ROBO2: variants seen among roughly 807,000 people sequenced by gnomAD.
ROBO2 encodes roundabout guidance receptor 2.
A neutral mutation model predicts 160.8 loss-of-function variants in ROBO2; 53 were observed. The ratio of observed to expected loss-of-function variants is 0.33; its 90% CI spans 0.26 to 0.41. The LOEUF is 0.41. Among genes scored for constraint, ROBO2 ranks in the 10% least tolerant of loss-of-function variants. The probability of loss-of-function intolerance (pLI) is 1.00; values close to 1 mark genes in which losing one functional copy is unlikely to be tolerated. For missense variants in ROBO2, 1,577 were observed against 1,722.4 expected (o/e 0.92, Z 1.49); for synonymous variants, 664 against 611.7 (o/e 1.09, Z -1.26).
chr3:76,992,804 A>C (rs1378011886), intron 2 of ROBO2, among the ~76,000 whole-genome samples: 2 of 151,960 alleles, frequency 1.3e-5, no homozygotes, highest in Non-Finnish European at 2.9e-5. Flanking sequence ...TAAAACATAA[A>C]AAGTCAAAGT....
intron 2 of ROBO2, among the ~76,000 whole-genome samples, chr3:75,987,352 T>TA (rs2107487656): frequency 6.6e-6 from 1 of 152,126 alleles, no homozygotes; most frequent in Non-Finnish European, 1.5e-5. Flanking sequence ...TGTTCATTGT[T>TA]AGTAAGTAAA....
At chr3:76,208,703 T>A (rs1343237990) in intron 2 of ROBO2, among the ~76,000 whole-genome samples, 1 of 152,148 alleles carries the variant, frequency 6.6e-6, no homozygotes, top group African/African-American at 2.4e-5. Flanking sequence ...AAGCACACAC[T>A]TTACCATAAA....
intron 2 of ROBO2, among the ~76,000 whole-genome samples, chr3:76,097,286 AC>A (rs1400027373): frequency 6.6e-6 from 1 of 152,052 alleles, no homozygotes; most frequent in Non-Finnish European, 1.5e-5. Context: ...GATGGCCCCA[AC>A]CCGTTCCCAG....
chr3:76,725,466 G>A (rs1409243119), intron 2 of ROBO2, among the ~76,000 whole-genome samples: 1 of 152,118 alleles, frequency 6.6e-6, no homozygotes, highest in African/African-American at 2.4e-5. Context: ...AGTGACTAGG[G>A]ATAGGAAGTG....
chr3:76,608,011 G>T (rs1003989845), intron 2 of ROBO2, among the ~76,000 whole-genome samples: 1 of 152,094 alleles, frequency 6.6e-6, no homozygotes, highest in Admixed American at 6.5e-5. Context: ...TTGTTAACAT[G>T]ATTTTCTTTA....
intron 2 of ROBO2, among the ~76,000 whole-genome samples, chr3:76,547,324 C>T (rs757297445): frequency 6.6e-6 from 1 of 151,970 alleles, no homozygotes; most frequent in Non-Finnish European, 1.5e-5. Context: ...AAAGCACTGT[C>T]TTAATTCACT....
chr3:76,748,552 A>C (rs1007702485), intron 2 of ROBO2, among the ~76,000 whole-genome samples: 1 of 151,736 alleles, frequency 6.6e-6, no homozygotes, highest in Non-Finnish European at 1.5e-5. Context: ...ACATTAAAAC[A>C]TGGAAAAACA....
intron 2 of ROBO2, among the ~76,000 whole-genome samples, chr3:76,474,815 C>G (rs74335468): frequency 6.6e-6 from 1 of 152,054 alleles, no homozygotes; most frequent in African/African-American, 2.4e-5. Flanking sequence ...TCTGCAGATT[C>G]GAAACTGACT....
chr3:77,575,548 A>G (rs752161239), intron 14 of ROBO2, among the ~76,000 whole-genome samples: 9 of 152,186 alleles, frequency 5.9e-5, no homozygotes, highest in Non-Finnish European at 1.2e-4. Flanking sequence ...CTCTTAAATT[A>G]TACATTTCTT....
At position 76,019,334 on chromosome 3, in the gene ROBO2, T is replaced by C. The variant is rs1265295181; in HGVS notation, c.109+81732T>C. Among the ~76,000 whole-genome samples the C allele has an allele frequency of 2.6e-5, 4 of 151,896 alleles. 1 individual carries two copies. The highest frequency in any genetic ancestry group is 9.6e-5 in the African/African-American group (4 of 41,484). On this transcript the variant is annotated intron_variant, in intron 2 of 26. Coordinates refer to the ROBO2 transcript ENST00000487694. ...CCTTGGAATTGGCTAATACTTGCAT[T>C]ATGGCCTCCCCACATGGTTCGGTTT...
Position 77,433,486 on chromosome 3 carries a change from G to GTATGTA in ROBO2, c.389-43925_389-43924insGTATAT, listed in dbSNP as rs1553954822. On this transcript the variant is annotated intron_variant, in intron 2 of 25. Coordinates refer to ENST00000461745, the Ensembl canonical transcript of ROBO2. The stretch of plus-strand genomic sequence containing the variant: ...GATTTTCCTTCTTCTCTGGCAACTT[G>GTATGTA]TATATATATATATATATATATATAT... Among the ~76,000 whole-genome samples, 5 of 99,400 alleles carry GTATGTA rather than the reference G, an allele frequency of 5.0e-5. No homozygotes were observed. In the Admixed American group the frequency reaches 5.4e-4, roughly 11 times the overall value. 65.2% of individuals were successfully genotyped at this position (99,400 alleles called of 152,430 possible). A position where few individuals can be genotyped will look rare whatever the true frequency, so the allele number is the denominator to read the frequency against.
intron 2 of ROBO2, among the ~76,000 whole-genome samples, chr3:76,991,731 A>G (rs1297861690): frequency 6.6e-6 from 1 of 152,208 alleles, no homozygotes; most frequent in Non-Finnish European, 1.5e-5. Flanking sequence ...ATATCCTGAC[A>G]TTTATTGATT....
At chr3:76,268,968 C>T (rs1707262481) in intron 2 of ROBO2, among the ~76,000 whole-genome samples, 1 of 152,002 alleles carries the variant, frequency 6.6e-6, no homozygotes, top group Non-Finnish European at 1.5e-5. Flanking sequence ...TAATTCAAAT[C>T]AGAGATTTGT....
chr3:77,462,055 A>G (rs1258501734), intron 2 of ROBO2, among the ~76,000 whole-genome samples: 1 of 152,042 alleles, frequency 6.6e-6, no homozygotes, highest in Non-Finnish European at 1.5e-5. Context: ...AGATTTATAC[A>G]CTCACAACTT....
intron 2 of ROBO2, among the ~76,000 whole-genome samples, chr3:76,633,931 G>C (rs1461510218): frequency 6.6e-6 from 1 of 152,124 alleles, no homozygotes; most frequent in East Asian, 1.9e-4. Context: ...ACTCATCACT[G>C]GTTGCCTACA....
chr3:77,348,711 T>A (rs1257290211), intron 2 of ROBO2, among the ~76,000 whole-genome samples: 1 of 152,144 alleles, frequency 6.6e-6, no homozygotes, highest in African/African-American at 2.4e-5. Flanking sequence ...GCAAGCACTA[T>A]CTGTCACCTG....
chr3:76,761,094 T>C (rs1178427152), intron 2 of ROBO2, among the ~76,000 whole-genome samples: 2 of 151,712 alleles, frequency 1.3e-5, no homozygotes, highest in African/African-American at 2.4e-5. Context: ...CTTTTAACAA[T>C]ATGTCCTTTT....
intron 1 of ROBO2, among the ~76,000 whole-genome samples, chr3:75,929,172 CGTGTGTGTGT>C (rs35861088): frequency 0.035 from 3,943 of 113,626 alleles, 531 homozygotes; most frequent in African/African-American, 0.16. Flanking sequence ...CTGGATAAGA[CGTGTGTGTGT>C]GTGTGTGTGT....
intron 2 of ROBO2, among the ~76,000 whole-genome samples, chr3:77,390,591 T>A (rs1375804573): frequency 1.3e-5 from 2 of 152,188 alleles, no homozygotes; most frequent in African/African-American, 4.8e-5. Flanking sequence ...TATGGAGCTA[T>A]GAGTCCATTA....
Sources: allele counts gnomAD v4.1 joint callset (sites outside exome capture counted in the v4.1 genomes callset), GRCh38; gene constraint gnomAD v4.1.1; transcripts MANE v1.5; gene names NCBI Gene and HGNC (gene_info 2026-07-23, HGNC 2026-07-21).